LCP1: variants seen among roughly 807,000 people sequenced by gnomAD.
LCP1 encodes the protein plastin-2.
In LCP1, 23 loss-of-function variants were observed where a neutral mutation model predicts 72.0. That is an observed-to-expected ratio of 0.32 (90% CI 0.23 to 0.45). The LOEUF (loss-of-function observed/expected upper bound fraction) is 0.45. Ranked by LOEUF, LCP1 falls within the 20% of genes least tolerant of loss-of-function variation. The probability of loss-of-function intolerance (pLI) is 1.00; values close to 1 mark genes in which losing one functional copy is unlikely to be tolerated. For synonymous variants in LCP1, 245 were observed against 275.4 expected (o/e 0.89, Z 1.09); for missense variants, 571 against 748.3 (o/e 0.76, Z 2.76).
rs753646122 is a variant in LCP1, at chr13:46,143,407, G to A, written c.1254-3C>T. 5 of 1,597,380 alleles carry A rather than the reference G, an allele frequency of 3.1e-6. No individual in the cohort carries two copies. The African/African-American group carries it at 5.4e-5, about 17-fold the overall frequency. Reference sequence around the variant, plus strand: ...TGACCAGGGCATCTGATAAGTCACTGAACAAAACAAACACAAAAGGATTCT... The same window carrying A: ...TGACCAGGGCATCTGATAAGTCACTAAACAAAACAAACACAAAAGGATTCT... On this transcript the variant is annotated splice_region_variant and splice_polypyrimidine_tract_variant and intron_variant, in intron 11 of 15. Transcript: ENST00000323076.
intron 15 of LCP1, among the ~76,000 whole-genome samples, chr13:46,128,352 A>T (rs896618713): frequency 1.3e-5 from 2 of 152,180 alleles, no homozygotes; most frequent in African/African-American, 4.8e-5. Context: ...TAATCCCAAC[A>T]CTTCGGGTGG....
At chr13:46,167,550 A>T (rs1388213442) in intron 1 of LCP1, among the ~76,000 whole-genome samples, 1 of 152,144 alleles carries the variant, frequency 6.6e-6, no homozygotes, top group Non-Finnish European at 1.5e-5. Flanking sequence ...TTAGACAGTG[A>T]TGCTCCTGAT....
intron 6 of LCP1, among the ~76,000 whole-genome samples, chr13:46,153,471 C>A (rs1053193843): frequency 6.6e-6 from 1 of 152,046 alleles, no homozygotes; most frequent in African/African-American, 2.4e-5. Flanking sequence ...GAGGTCAAGG[C>A]GGGTGGATCA....
chr13:46,147,042 C>A lies in LCP1; in HGVS notation c.1040G>T (p.Arg347Leu). Residue 347 changes from arginine to leucine, a missense_variant, in exon 10 of 16, where the codon CGG becomes CTG. Physicochemically the swap from Arg to Leu is moderately radical, Grantham distance 102 (BLOSUM62 -2). Coordinates refer to ENST00000323076, the MANE Select transcript of LCP1 (RefSeq NM_002298.5). ...AACATCTGTGGCTGTGACAAACTGC[C>A]GGCAGCCCAGCCTCTCCGCCTGCTG... The part of the protein sequence containing the change: ...MLQQAERLGC[R>L]QFVTATDVVR... 1 of 1,613,386 alleles carries A rather than the reference C, an allele frequency of 6.2e-7. No homozygotes were observed.
In LCP1 at chr13:46,145,652, G is replaced by A. The variant is rs2045725291; in HGVS notation, c.1175-1132C>T. On this transcript the variant is annotated intron_variant, in intron 10 of 15. Transcript: ENST00000323076. ...AGGCCGGGCGCGGTGGCTCACGCCT[G>A]TAATCCCAGCACTTTGGGAGGCCGA... Among the ~76,000 whole-genome samples, 2 of 77,838 alleles carry A rather than the reference G, an allele frequency of 2.6e-5. 1 individual carries two copies. Among genetic ancestry groups the A allele is most frequent in the African/African-American group, 1.4e-4 (2 of 14,400 alleles). 51.1% of individuals were successfully genotyped at this position (77,838 alleles called of 152,430 possible).
intron 15 of LCP1, among the ~76,000 whole-genome samples, chr13:46,130,053 T>C (rs2045624199): frequency 6.6e-6 from 1 of 152,222 alleles, no homozygotes; most frequent in South Asian, 2.1e-4. Context: ...CCTGCCAACA[T>C]CTTGATTGCA....
chr13:46,171,520 G>C (rs1189689996), intron 1 of LCP1, among the ~76,000 whole-genome samples: 1 of 152,134 alleles, frequency 6.6e-6, no homozygotes, highest in Admixed American at 6.5e-5. Context: ...GATCTTTTCT[G>C]CCTGTGTCCC....
chr13:46,174,523 G>T (rs1331564432), intron 1 of LCP1, among the ~76,000 whole-genome samples: 1 of 152,098 alleles, frequency 6.6e-6, no homozygotes, highest in Non-Finnish European at 1.5e-5. Context: ...AACAAAAGGA[G>T]ACTTGGGATC....
chr13:46,156,965 C>T (rs900673650), intron 4 of LCP1, among the ~76,000 whole-genome samples: 4 of 150,842 alleles, frequency 2.7e-5, no homozygotes, highest in Admixed American at 6.6e-5. Context: ...GGACTACAGG[C>T]GCCCGCCACA....
Position 46,158,992 on chromosome 13 carries a change from G to T in LCP1, c.65-3C>A. ...GATGTATCCATTGCCATCAGTATCT[G>T]TAATGTACACAATATACTGAAGCTT... On this transcript the variant is annotated splice_region_variant and splice_polypyrimidine_tract_variant and intron_variant, in intron 2 of 15. Coordinates refer to ENST00000323076, the MANE Select transcript of LCP1 (RefSeq NM_002298.5). 6.2e-7 allele frequency: 1 copy of T among 1,613,726 alleles called. No individual in the cohort carries two copies. Among genetic ancestry groups the T allele is most frequent in the Non-Finnish European group, 8.5e-7 (1 of 1,179,826 alleles).
intron 1 of LCP1, among the ~76,000 whole-genome samples, chr13:46,170,184 C>T (rs1399253147): frequency 2.6e-5 from 4 of 152,220 alleles, no homozygotes; most frequent in African/African-American, 9.7e-5. Flanking sequence ...CTTAGACAAT[C>T]CCATCCACTG....
chr13:46,142,820 A>C, intron 12 of LCP1: 1 of 461,476 alleles, frequency 2.2e-6, no homozygotes, highest in Non-Finnish European at 4.3e-6. Context: ...ACATGTGAAC[A>C]GATATTCCTG....
intron 1 of LCP1, among the ~76,000 whole-genome samples, chr13:46,177,880 GATA>G (rs1042899225): frequency 1.3e-5 from 2 of 151,320 alleles, no homozygotes; most frequent in African/African-American, 4.9e-5. Context: ...TGATGGTGAT[GATA>G]ATGATGATGA....
intron 1 of LCP1, among the ~76,000 whole-genome samples, chr13:46,170,210 C>A (rs1241456370): frequency 4.6e-5 from 7 of 152,200 alleles, no homozygotes; most frequent in Admixed American, 3.3e-4. Context: ...TACAGACACC[C>A]AAAACAAGGC....
intron 1 of LCP1, among the ~76,000 whole-genome samples, chr13:46,178,709 A>T (rs1201578751): frequency 6.6e-6 from 1 of 152,196 alleles, no homozygotes; most frequent in Non-Finnish European, 1.5e-5. Flanking sequence ...ATTTCATTTG[A>T]TATCTGTAAG....
intron 7 of LCP1, 72 bp from the exon 8 acceptor site, chr13:46,151,150 A>G: frequency 6.8e-7 from 1 of 1,480,310 alleles, no homozygotes; most frequent in Non-Finnish European, 9.1e-7. Context: ...TATAACTTTC[A>G]TTAAGCTCTG....
chr13:46,139,032 A>G (rs1226855769), intron 13 of LCP1, among the ~76,000 whole-genome samples: 2 of 152,208 alleles, frequency 1.3e-5, no homozygotes, highest in African/African-American at 2.4e-5. Flanking sequence ...TTGCAACTAA[A>G]AGGACTTTTG....
At chr13:46,134,066 G>A in intron 14 of LCP1, 61 bp downstream of exon 14, 2 of 1,579,944 alleles carry the variant, frequency 1.3e-6, no homozygotes, top group Non-Finnish European at 1.7e-6. Flanking sequence ...AACACATAAT[G>A]AAAACAATAC....
chr13:46,158,457 GT>G, intron 4 of LCP1, 64 bp downstream of exon 4: 1 of 1,572,246 alleles, frequency 6.4e-7, no homozygotes, highest in Admixed American at 1.8e-5. Flanking sequence ...CATCCCTTAG[GT>G]TTGAATACCA....
Sources: gnomAD v4.1 joint callset for allele counts (sites outside exome capture counted in the v4.1 genomes callset) on GRCh38, gnomAD v4.1.1 for gene constraint, MANE v1.5 for transcripts, NCBI Gene and HGNC (gene_info 2026-07-23, HGNC 2026-07-21) for gene names.